The following MSANTD3 variants were observed in gnomAD, a reference collection of about 807,000 sequenced individuals.
MSANTD3 encodes the protein Myb/SANT DNA binding domain containing 3.
Under a neutral mutation model 27.7 loss-of-function variants are expected in MSANTD3, and 11 were observed. That is an observed-to-expected ratio of 0.40 (90% CI 0.25 to 0.66). The LOEUF (loss-of-function observed/expected upper bound fraction) is 0.66, where lower values mean the gene tolerates loss of function less well. Ranked by LOEUF, MSANTD3 falls within the 30% of genes least tolerant of loss-of-function variation. The probability of loss-of-function intolerance (pLI) is 0.41; values close to 1 mark genes in which losing one functional copy is unlikely to be tolerated. For missense variants in MSANTD3, 250 were observed against 336.5 expected (o/e 0.74, Z 2.01); for synonymous variants, 131 against 127.2 (o/e 1.03, Z -0.20).
At chr9:100,446,643 T>C (rs1324691360) in intron 2 of MSANTD3, among the ~76,000 whole-genome samples, 1 of 152,092 alleles carries the variant, frequency 6.6e-6, no homozygotes, top group Admixed American at 6.5e-5. Context: ...CTGGCCAACA[T>C]GGCAAAACTC....
At chr9:100,448,482 C>G (rs1422799401) in intron 2 of MSANTD3, 95 of 985,290 alleles carry the variant, frequency 9.6e-5, no homozygotes, top group South Asian at 3.3e-4. Context: ...TCTCCCATTC[C>G]TTTGTCCTGT....
In MSANTD3 at chr9:100,450,542, G is replaced by A; in HGVS notation, c.419-15G>A. On this transcript the variant is annotated splice_polypyrimidine_tract_variant and intron_variant, in intron 2 of 2. Coordinates refer to ENST00000395067, the MANE Select transcript of MSANTD3 (RefSeq NM_080655.3). ...TAAAATCTTTGAACATATGTTTTCT[G>A]CTACTGTTTTTCAGAATCATTTGCT... 1 of 1,498,224 alleles carries A rather than the reference G, an allele frequency of 6.7e-7. No homozygotes were observed. The highest frequency in any genetic ancestry group is 8.9e-7 in the Non-Finnish European group (1 of 1,126,760). 92.8% of individuals were successfully genotyped at this position (1,498,224 alleles called of 1,614,324 possible). A position where few individuals can be genotyped will look rare whatever the true frequency, so the allele number is the denominator to read the frequency against.
At chr9:100,445,116 C>A in intron 2 of MSANTD3, 1 of 1,122,346 alleles carries the variant, frequency 8.9e-7, no homozygotes, top group South Asian at 1.3e-5. Flanking sequence ...TACTGGTACT[C>A]TTTCTATACA....
chr9:100,427,560 G>C (rs1302583606), intron 1 of MSANTD3, 167 bp downstream of exon 1: 1 of 151,910 alleles, frequency 6.6e-6, no homozygotes, highest in Non-Finnish European at 1.5e-5. Flanking sequence ...TGCGCGCCGC[G>C]ATGGGACTCG....
Position 100,450,899 on chromosome 9 carries a change from A to G in MSANTD3, c.761A>G (p.Lys254Arg). ...LNKKKMYWER[K>R]LQTFTKEWPV... ...AAAAAGAAGATGTATTGGGAAAGAA[A>G]ACTACAAACTTTTACCAAGGAATGG... is the stretch of plus-strand genomic sequence containing the variant. The change falls in exon 3 of 3, where the codon AAA (lysine) becomes AGA (arginine). Residue 254 changes from lysine (K) to arginine (R), a missense_variant. Lys to Arg is a conservative substitution (Grantham distance 26). Transcript: ENST00000395067. 1 of 1,612,966 alleles carries G rather than the reference A, an allele frequency of 6.2e-7. No individual in the cohort carries two copies. Among genetic ancestry groups the G allele is most frequent in the Non-Finnish European group, 8.5e-7 (1 of 1,179,778 alleles).
chr9:100,436,825 G>A (rs1461527250), intron 1 of MSANTD3, among the ~76,000 whole-genome samples: 1 of 152,118 alleles, frequency 6.6e-6, no homozygotes, highest in African/African-American at 2.4e-5. Flanking sequence ...GTCTTTTTGA[G>A]ACAGAGTCTC....
chr9:100,450,124 G>T (rs541267053), intron 2 of MSANTD3, among the ~76,000 whole-genome samples: 89 of 152,276 alleles, frequency 5.8e-4, no homozygotes, highest in Non-Finnish European at 1.1e-3. Flanking sequence ...TTACATATAC[G>T]TGTTCATAGC....
intron 2 of MSANTD3, chr9:100,444,329 C>T (rs564267118): frequency 6.6e-6 from 1 of 152,194 alleles, no homozygotes; most frequent in Non-Finnish European, 1.5e-5. Flanking sequence ...AGTTCCCAAG[C>T]CAGGGTACCT....
In MSANTD3 at chr9:100,427,318, A is replaced by G. The variant is rs1311861791; in HGVS notation, c.-109A>G. 2.7e-5 allele frequency: 4 copies of G among 145,718 alleles called. No individual in the cohort carries two copies. Among genetic ancestry groups the G allele is most frequent in the Admixed American group, 2.7e-4 (4 of 14,726 alleles). The allele number at this position is 145,718 out of a possible 1,614,324, so 9.0% of individuals were successfully genotyped here. On this transcript the variant is annotated 5_prime_UTR_variant, in exon 1 of 3. Transcript: ENST00000395067. ...CCCTCCCGGCCGCCCTGCTTGCGAGAGGAGCCCAGGCCGCCCGCCCTCGCG... is the reference window on the plus strand; with the variant it reads ...CCCTCCCGGCCGCCCTGCTTGCGAGGGGAGCCCAGGCCGCCCGCCCTCGCG...
At chr9:100,450,508 C>A in intron 2 of MSANTD3, 49 bp from the exon 3 acceptor site, 12 of 1,377,284 alleles carry the variant, frequency 8.7e-6, no homozygotes, top group Non-Finnish European at 3.9e-6. Flanking sequence ...TTTTTTTTTT[C>A]TCTGCCTGTA....
chr9:100,447,120 A>G (rs1836774003), intron 2 of MSANTD3, among the ~76,000 whole-genome samples: 2 of 152,114 alleles, frequency 1.3e-5, no homozygotes, highest in Admixed American at 6.5e-5. Flanking sequence ...CCCTTTTTGC[A>G]TAAGATTGAG....
At chr9:100,433,065 G>C (rs1341469784) in intron 1 of MSANTD3, among the ~76,000 whole-genome samples, 1 of 152,122 alleles carries the variant, frequency 6.6e-6, no homozygotes, top group Non-Finnish European at 1.5e-5. Context: ...GTACAGTCGG[G>C]GAGGCTTGAG....
At chr9:100,429,352 A>G (rs1054342907) in intron 1 of MSANTD3, among the ~76,000 whole-genome samples, 1 of 152,194 alleles carries the variant, frequency 6.6e-6, no homozygotes, top group African/African-American at 2.4e-5. Flanking sequence ...GTTTTTTCAC[A>G]TATCTGGCGT....
rs1356195681 is a variant in MSANTD3 at position 100,451,670 on chromosome 9, A to G, written c.*704A>G. ...AGGATGTAACTACTTTGAGGAAGAA[A>G]TGTTCGTTTAGATTTCTACATTCTG... On this transcript the variant is annotated 3_prime_UTR_variant, in exon 3 of 3. Coordinates refer to ENST00000395067, the MANE Select transcript of MSANTD3 (RefSeq NM_080655.3). 1 of 150,988 alleles carries G rather than the reference A, an allele frequency of 6.6e-6. No homozygotes were observed. Among genetic ancestry groups the G allele is most frequent in the African/African-American group, 2.4e-5 (1 of 41,012 alleles). 9.4% of individuals were successfully genotyped at this position (150,988 alleles called of 1,614,324 possible). A position where few individuals can be genotyped will look rare whatever the true frequency, so the allele number is the denominator to read the frequency against.
At position 100,427,270 on chromosome 9, in the gene MSANTD3, G is replaced by C. The variant is rs1421081591; in HGVS notation, c.-157G>C. On this transcript the variant is annotated 5_prime_UTR_variant, in exon 1 of 3. Coordinates refer to ENST00000395067, the MANE Select transcript of MSANTD3 (RefSeq NM_080655.3). ...GGGGCGCGCCGCCGCCGCCGCCGCC[G>C]CCCGGCGTTCGGGAGCCCGCGGCCC... is the stretch of plus-strand genomic sequence containing the variant. The C allele has an allele frequency of 6.9e-6, 1 of 145,604 alleles. No individual in the cohort carries two copies. Among genetic ancestry groups the C allele is most frequent in the East Asian group, 2.0e-4 (1 of 4,988 alleles). 9.0% of individuals were successfully genotyped at this position (145,604 alleles called of 1,614,324 possible).
Position 100,427,226 on chromosome 9 carries a change from G to A in MSANTD3, c.-201G>A, listed in dbSNP as rs1290943389. ...CGGGCTTTGTGGCCGCGGCGCGCGC[G>A]GCGGGGCCTGGCCGGCCGGGGGCGC... On this transcript the variant is annotated 5_prime_UTR_variant, in exon 1 of 3. Coordinates refer to ENST00000395067, the MANE Select transcript of MSANTD3 (RefSeq NM_080655.3). 6.9e-6 allele frequency: 1 copy of A among 145,708 alleles called. No individual in the cohort carries two copies. The highest frequency in any genetic ancestry group is 2.5e-5 in the African/African-American group (1 of 40,702). 9.0% of individuals were successfully genotyped at this position (145,708 alleles called of 1,614,324 possible). A position where few individuals can be genotyped will look rare whatever the true frequency, so the allele number is the denominator to read the frequency against.
chr9:100,436,895 C>T (rs1164533048), intron 1 of MSANTD3, among the ~76,000 whole-genome samples: 1 of 152,168 alleles, frequency 6.6e-6, no homozygotes, highest in African/African-American at 2.4e-5. Context: ...ACCTCCGCCT[C>T]CCAGGTTCAA....
intron 2 of MSANTD3, chr9:100,445,002 T>C: frequency 1.8e-6 from 1 of 554,906 alleles, no homozygotes; most frequent in South Asian, 2.8e-5. Flanking sequence ...CAAATGCTCC[T>C]TGCTCCTGTG....
intron 1 of MSANTD3, among the ~76,000 whole-genome samples, chr9:100,435,181 A>G (rs1485339129): frequency 6.6e-6 from 1 of 152,162 alleles, no homozygotes; most frequent in African/African-American, 2.4e-5. Flanking sequence ...GAAGCATTAG[A>G]GGTTGATTGA....
Sources: allele counts gnomAD v4.1 joint callset (sites outside exome capture counted in the v4.1 genomes callset), GRCh38; gene constraint gnomAD v4.1.1; transcripts MANE v1.5; gene names NCBI Gene and HGNC (gene_info 2026-07-23, HGNC 2026-07-21).